Variants in TSEN15 observed in about 807,000 individuals in gnomAD.
The protein encoded by TSEN15 is tRNA splicing endonuclease subunit 15, also known as tRNA-splicing endonuclease subunit Sen15.
In TSEN15, 10 loss-of-function variants were observed where a neutral mutation model predicts 20.5. The ratio of observed to expected loss-of-function variants is 0.49; its 90% confidence interval spans 0.30 to 0.83. The LOEUF is 0.83. Among genes scored for constraint, TSEN15 ranks in the 40% least tolerant of loss-of-function variants. The probability of loss-of-function intolerance (pLI) is 0.06; values close to 1 mark genes in which losing one functional copy is unlikely to be tolerated. For synonymous variants in TSEN15, 72 were observed against 80.1 expected (o/e 0.90, Z 0.54); for missense variants, 180 against 218.6 (o/e 0.82, Z 1.11).
At chr1:184,061,021 G>A (rs1474662257) in intron 3 of TSEN15, among the ~76,000 whole-genome samples, 3 of 152,112 alleles carry the variant, frequency 2.0e-5, no homozygotes, top group African/African-American at 7.2e-5. Flanking sequence ...CCCCAAAATA[G>A]CCATTATTCT....
intron 3 of TSEN15, chr1:184,094,091 A>G (rs940420812): frequency 6.6e-6 from 1 of 152,140 alleles, no homozygotes; most frequent in South Asian, 2.1e-4. Flanking sequence ...TCGCTGAGCT[A>G]TAGTCACTTC....
chr1:184,055,327 T>A (rs1650211414), intron 3 of TSEN15, among the ~76,000 whole-genome samples: 1 of 152,232 alleles, frequency 6.6e-6, no homozygotes, highest in East Asian at 1.9e-4. Context: ...CATGAAGGAT[T>A]TACCCCTATA....
In TSEN15 at chr1:184,073,027, T is replaced by TA; in HGVS notation, c.*186dup. 1 of 593,764 alleles carries TA rather than the reference T, an allele frequency of 1.7e-6. No homozygotes were observed. The highest frequency in any genetic ancestry group is 2.9e-6 in the Non-Finnish European group (1 of 342,792). 36.8% of individuals were successfully genotyped at this position (593,764 alleles called of 1,614,324 possible). On this transcript the variant is annotated 3_prime_UTR_variant, in exon 5 of 5. Transcript: ENST00000645668. ...CCCAGGTAGAAGACTTTCTCCTTCT[T>TA]AAAAAATATAGGGTGATTTCTTTAA...
At chr1:184,094,981 A>T in intron 3 of TSEN15, 1 of 398,660 alleles carries the variant, frequency 2.5e-6, no homozygotes, top group Non-Finnish European at 4.4e-6. Context: ...CACCCCTCAG[A>T]AAAGGAAAGG....
intron 3 of TSEN15, among the ~76,000 whole-genome samples, chr1:184,062,295 T>C (rs920193577): frequency 6.6e-6 from 1 of 152,180 alleles, no homozygotes; most frequent in Non-Finnish European, 1.5e-5. Flanking sequence ...CTTTGCTAAA[T>C]TGAATCTAAG....
intron 3 of TSEN15, among the ~76,000 whole-genome samples, chr1:184,082,047 G>A (rs984275681): frequency 2.6e-4 from 39 of 152,192 alleles, no homozygotes; most frequent in African/African-American, 1.4e-4. Context: ...ACATGGATGC[G>A]TGGGTGAGGC....
At chr1:184,056,099 T>G (rs994729321) in intron 3 of TSEN15, among the ~76,000 whole-genome samples, 1 of 152,176 alleles carries the variant, frequency 6.6e-6, no homozygotes, top group Non-Finnish European at 1.5e-5. Flanking sequence ...TATACCACCA[T>G]TTTTACATCC....
intron 3 of TSEN15, among the ~76,000 whole-genome samples, chr1:184,090,748 A>C (rs1651342493): frequency 6.6e-6 from 1 of 152,130 alleles, no homozygotes; most frequent in South Asian, 2.1e-4. Flanking sequence ...GAAATGTTGA[A>C]GTTGAGTTTG....
intron 3 of TSEN15, among the ~76,000 whole-genome samples, chr1:184,091,776 C>T (rs960905902): frequency 1.3e-5 from 2 of 152,166 alleles, no homozygotes; most frequent in African/African-American, 4.8e-5. Context: ...AGACAGCTAC[C>T]TGTCACCCAG....
intron 3 of TSEN15, among the ~76,000 whole-genome samples, chr1:184,063,629 CA>C (rs1483378990): frequency 6.6e-6 from 1 of 151,922 alleles, no homozygotes; most frequent in Non-Finnish European, 1.5e-5. Flanking sequence ...TTTTCTTTGT[CA>C]GAATTAATTT....
chr1:184,059,183 A>G (rs888395544), intron 3 of TSEN15, among the ~76,000 whole-genome samples: 1 of 152,120 alleles, frequency 6.6e-6, no homozygotes, highest in African/African-American at 2.4e-5. Context: ...AGTACTGATA[A>G]GTAGTTTAAC....
intron 3 of TSEN15, among the ~76,000 whole-genome samples, chr1:184,071,870 C>T (rs2102894740): frequency 6.6e-6 from 1 of 152,168 alleles, no homozygotes; most frequent in South Asian, 2.1e-4. Context: ...TATATGCTAT[C>T]TACAAAAGAT....
At position 184,073,805 on chromosome 1, in the gene TSEN15, G is replaced by C. The variant is rs1297008142; in HGVS notation, c.*958G>C. 6.6e-6 allele frequency: 1 copy of C among 152,172 alleles called. No homozygotes were observed. The highest frequency in any genetic ancestry group is 1.5e-5 in the Non-Finnish European group (1 of 68,012). 9.4% of individuals were successfully genotyped at this position (152,172 alleles called of 1,614,324 possible). ...TCTGTCATAACTTGTCAACACTGCT[G>C]TATGAAGCACAAAAGCAGCCATAGA... is the stretch of plus-strand genomic sequence containing the variant. On this transcript the variant is annotated 3_prime_UTR_variant, in exon 5 of 5. Transcript: ENST00000645668.
chr1:184,086,192 A>G (rs1458003934), intron 3 of TSEN15, among the ~76,000 whole-genome samples: 2 of 152,226 alleles, frequency 1.3e-5, no homozygotes, highest in Non-Finnish European at 1.5e-5. Context: ...TTAAGACACA[A>G]AGTTCAAAAT....
At chr1:184,070,503 T>TA (rs1227893578) in intron 3 of TSEN15, 25 of 374,502 alleles carry the variant, frequency 6.7e-5, no homozygotes, top group Admixed American at 4.8e-4. Context: ...GTAGATAAGT[T>TA]AAAATTTTAG....
At chr1:184,072,412 A>G in intron 4 of TSEN15, 114 bp downstream of exon 4, 1 of 1,011,668 alleles carries the variant, frequency 9.9e-7, no homozygotes, top group East Asian at 2.9e-5. Context: ...CATAGGGAAA[A>G]TTCAAGAAAA....
At chr1:184,085,087 A>C (rs1479243030) in intron 3 of TSEN15, among the ~76,000 whole-genome samples, 2 of 152,086 alleles carry the variant, frequency 1.3e-5, no homozygotes, top group African/African-American at 4.8e-5. Context: ...GACTTATATC[A>C]AATAAGGGAA....
At chr1:184,068,030 C>T (rs1650749521) in intron 3 of TSEN15, among the ~76,000 whole-genome samples, 1 of 148,452 alleles carries the variant, frequency 6.7e-6, no homozygotes, top group Admixed American at 6.7e-5. Context: ...CCATTTTCCA[C>T]GCTTTGCATT....
intron 3 of TSEN15, among the ~76,000 whole-genome samples, chr1:184,066,038 T>G (rs1470227328): frequency 6.6e-6 from 1 of 152,204 alleles, no homozygotes; most frequent in Non-Finnish European, 1.5e-5. Context: ...GATCATGCTT[T>G]TGGTATTTTA....
Sources: gnomAD v4.1 joint callset for allele counts (sites outside exome capture counted in the v4.1 genomes callset) on GRCh38, gnomAD v4.1.1 for gene constraint, MANE v1.5 for transcripts, NCBI Gene and HGNC (gene_info 2026-07-23, HGNC 2026-07-21) for gene names.